The following NKAIN2 variants were observed in gnomAD, a reference collection of about 807,000 sequenced individuals.
The protein encoded by NKAIN2 is sodium/potassium-transporting ATPase subunit beta-1-interacting protein 2.
NKAIN2 carries 14 observed loss-of-function variants against 32.6 expected under a neutral mutation model. The observed-to-expected ratio is 0.43, with a 90% CI of 0.28 to 0.67. NKAIN2 has a LOEUF of 0.67. NKAIN2 is among the 30% of genes least tolerant of loss of function. The pLI is 0.17. For missense variants in NKAIN2, 198 were observed against 258.3 expected (o/e 0.77, Z 1.60); for synonymous variants, 80 against 87.2 (o/e 0.92, Z 0.46).
At chr6:123,965,884 A>G (rs1778052919) in intron 1 of NKAIN2, among the ~76,000 whole-genome samples, 1 of 152,154 alleles carries the variant, frequency 6.6e-6, no homozygotes, top group African/African-American at 2.4e-5. Flanking sequence ...ACCCAGTCTA[A>G]TTAATTAGAG....
At chr6:124,264,054 A>G (rs2114852430) in intron 1 of NKAIN2, among the ~76,000 whole-genome samples, 1 of 152,318 alleles carries the variant, frequency 6.6e-6, no homozygotes, top group South Asian at 2.1e-4. Context: ...CTACCTCTTA[A>G]TAGGTGTTAG....
At chr6:124,573,617 C>G (rs1298045635) in intron 3 of NKAIN2, among the ~76,000 whole-genome samples, 1 of 152,094 alleles carries the variant, frequency 6.6e-6, no homozygotes, top group Non-Finnish European at 1.5e-5. Context: ...TACAGCCTCA[C>G]ATTAAATTTT....
intron 4 of NKAIN2, among the ~76,000 whole-genome samples, chr6:124,733,789 G>A (rs1387987192): frequency 1.3e-5 from 2 of 151,662 alleles, no homozygotes; most frequent in Non-Finnish European, 2.9e-5. Flanking sequence ...ATATACACAT[G>A]TATAAGCACA....
At chr6:124,457,121 A>G (rs1411891513) in intron 3 of NKAIN2, among the ~76,000 whole-genome samples, 2 of 151,944 alleles carry the variant, frequency 1.3e-5, no homozygotes, top group African/African-American at 4.8e-5. Context: ...AGGTAGGGCT[A>G]CATACTGGTT....
chr6:124,024,869 C>T (rs1053656353), intron 1 of NKAIN2, among the ~76,000 whole-genome samples: 17 of 152,040 alleles, frequency 1.1e-4, no homozygotes, highest in African/African-American at 3.9e-4. Flanking sequence ...TGCCTGTAAT[C>T]TCAGCTGCTT....
intron 4 of NKAIN2, among the ~76,000 whole-genome samples, chr6:124,687,847 T>C (rs1262398251): frequency 1.3e-5 from 2 of 148,586 alleles, no homozygotes; most frequent in East Asian, 4.0e-4. Flanking sequence ...ACTTATAAAG[T>C]ATGCAATACT....
intron 4 of NKAIN2, among the ~76,000 whole-genome samples, chr6:124,757,203 G>C (rs1310425540): frequency 1.3e-5 from 2 of 152,090 alleles, no homozygotes; most frequent in African/African-American, 2.4e-5. Context: ...ATATGTATTT[G>C]AAACATCATT....
intron 3 of NKAIN2, among the ~76,000 whole-genome samples, chr6:124,485,521 G>A: frequency 6.6e-6 from 1 of 151,818 alleles, no homozygotes; most frequent in Admixed American, 6.6e-5. Context: ...TTAAAATATA[G>A]TTAAAATAAA....
At chr6:124,530,325 A>G (rs1779475031) in intron 3 of NKAIN2, among the ~76,000 whole-genome samples, 1 of 152,198 alleles carries the variant, frequency 6.6e-6, no homozygotes. Context: ...GAGAAAATAT[A>G]TTTACTATTC....
At chr6:124,366,812 T>C (rs1799535342) in intron 3 of NKAIN2, among the ~76,000 whole-genome samples, 1 of 151,548 alleles carries the variant, frequency 6.6e-6, no homozygotes, top group Admixed American at 6.6e-5. Context: ...CCTGTATTCT[T>C]AGCTACTCAG....
rs942335202 is a variant in NKAIN2, at chr6:124,103,776, A to C, written c.55-179229A>C. 2.0e-5 allele frequency among the ~76,000 whole-genome samples: 3 copies of C among 152,178 alleles called. 1 individual carries two copies. The highest frequency in any genetic ancestry group is 4.4e-5 in the Non-Finnish European group (3 of 68,024). On this transcript the variant is annotated intron_variant, in intron 1 of 6. Coordinates refer to ENST00000368417, the MANE Select transcript of NKAIN2 (RefSeq NM_001040214.3). ...AGCTGATGTCTCCTTTTTTAGTTAT[A>C]TGATAGTCATTTAAAAATTCTGAAC...
At chr6:124,454,660 A>C (rs1251196826) in intron 3 of NKAIN2, among the ~76,000 whole-genome samples, 1 of 151,940 alleles carries the variant, frequency 6.6e-6, no homozygotes, top group African/African-American at 2.4e-5. Flanking sequence ...TGAGTATCTT[A>C]TTTTCTGAAA....
chr6:124,740,337 T>C (rs914967329), intron 4 of NKAIN2, among the ~76,000 whole-genome samples: 3 of 151,798 alleles, frequency 2.0e-5, no homozygotes, highest in Non-Finnish European at 4.4e-5. Flanking sequence ...TGCCAAGCTC[T>C]GTTTGAGGCC....
intron 2 of NKAIN2, among the ~76,000 whole-genome samples, chr6:124,338,939 T>G (rs1797995977): frequency 6.6e-6 from 1 of 152,184 alleles, no homozygotes; most frequent in Non-Finnish European, 1.5e-5. Flanking sequence ...ACAGAGAGGT[T>G]AGGTGGGGAG....
intron 3 of NKAIN2, among the ~76,000 whole-genome samples, chr6:124,409,557 G>C (rs1324196001): frequency 1.3e-5 from 2 of 152,132 alleles, no homozygotes; most frequent in Non-Finnish European, 2.9e-5. Flanking sequence ...CTTGATCATG[G>C]TGGATAAGCT....
chr6:123,839,012 C>T (rs6569365), intron 1 of NKAIN2, among the ~76,000 whole-genome samples: 88,210 of 152,040 alleles, frequency 0.58, 27,145 homozygotes, highest in African/African-American at 0.8. Context: ...CCATCTGCAC[C>T]GTAGCTATCC....
chr6:124,503,478 A>G (rs931795577), intron 3 of NKAIN2, among the ~76,000 whole-genome samples: 1 of 152,168 alleles, frequency 6.6e-6, no homozygotes, highest in African/African-American at 2.4e-5. Context: ...TACTTACACA[A>G]TATTGAGTCA....
chr6:124,181,956 G>A (rs183845649), intron 1 of NKAIN2, among the ~76,000 whole-genome samples: 8 of 152,164 alleles, frequency 5.3e-5, no homozygotes, highest in East Asian at 1.9e-4. Flanking sequence ...GAGCAGCACC[G>A]CACCCTACCA....
At chr6:123,811,234 G>A (rs1355195898) in intron 1 of NKAIN2, among the ~76,000 whole-genome samples, 1 of 152,116 alleles carries the variant, frequency 6.6e-6, no homozygotes, top group Non-Finnish European at 1.5e-5. Flanking sequence ...CTATTCAGAA[G>A]TTTAAATAGG....
Sources: allele counts gnomAD v4.1 joint callset (sites outside exome capture counted in the v4.1 genomes callset), GRCh38; gene constraint gnomAD v4.1.1; transcripts MANE v1.5; gene names NCBI Gene and HGNC (gene_info 2026-07-23, HGNC 2026-07-21).